WDR17: variants seen among roughly 807,000 people sequenced by gnomAD.
The protein encoded by WDR17 is WD repeat domain 17, also known as WD repeat-containing protein 17.
A neutral mutation model predicts 161.7 loss-of-function variants in WDR17; 143 were observed. The observed-to-expected ratio is 0.88, with a 90% CI of 0.77 to 1.02. WDR17 has a LOEUF of 1.02. Ranked by LOEUF, WDR17 falls within the 50% of genes least tolerant of loss-of-function variation. The probability of loss-of-function intolerance (pLI) is 0.00; values close to 1 mark genes in which losing one functional copy is unlikely to be tolerated. For synonymous variants in WDR17, 517 were observed against 515.6 expected (o/e 1.00, Z -0.04); for missense variants, 1,469 against 1,520.9 (o/e 0.97, Z 0.57).
chr4:176,143,402 T>C (rs1745610217), intron 11 of WDR17, among the ~76,000 whole-genome samples: 1 of 151,916 alleles, frequency 6.6e-6, no homozygotes, highest in Non-Finnish European at 1.5e-5. Context: ...TGGTGGCTCA[T>C]GCCTCTAATT....
At chr4:176,149,986 A>C (rs368789901) in intron 14 of WDR17, 30 bp downstream of exon 14, 49 of 1,609,692 alleles carry the variant, frequency 3.0e-5, no homozygotes, top group Non-Finnish European at 3.9e-5. Context: ...ATTAGAGTTT[A>C]TTTCTAAATA....
intron 1 of WDR17, among the ~76,000 whole-genome samples, chr4:176,100,037 A>G (rs1187258550): frequency 1.3e-5 from 2 of 152,186 alleles, no homozygotes. Flanking sequence ...TAGTGCTGCA[A>G]TAAACATATG....
At chr4:176,086,775 G>T (rs1284396227) in intron 1 of WDR17, among the ~76,000 whole-genome samples, 1 of 151,576 alleles carries the variant, frequency 6.6e-6, no homozygotes, top group Non-Finnish European at 1.5e-5. Flanking sequence ...TATTCAATAT[G>T]TAACTGTTAT....
intron 1 of WDR17, among the ~76,000 whole-genome samples, chr4:176,097,529 C>T (rs1387291585): frequency 6.6e-6 from 1 of 151,530 alleles, no homozygotes; most frequent in Middle Eastern, 3.2e-3. Context: ...GTGAAAAAAT[C>T]CAGTAAACAT....
intron 1 of WDR17, among the ~76,000 whole-genome samples, chr4:176,083,531 T>TA (rs778695478): frequency 2.6e-5 from 4 of 152,176 alleles, no homozygotes; most frequent in Non-Finnish European, 5.9e-5. Context: ...ATGTAGTTGT[T>TA]ACTTATTCTC....
intron 8 of WDR17, among the ~76,000 whole-genome samples, chr4:176,136,844 A>T (rs1744495087): frequency 2.0e-5 from 3 of 151,564 alleles, no homozygotes; most frequent in African/African-American, 7.2e-5. Flanking sequence ...TTTATCATTA[A>T]GTAGTTTCTT....
At chr4:176,157,971 C>T (rs1748421007) in intron 18 of WDR17, among the ~76,000 whole-genome samples, 1 of 152,288 alleles carries the variant, frequency 6.6e-6, no homozygotes, top group Middle Eastern at 3.4e-3. Flanking sequence ...TGAAAGGAGG[C>T]TGCTGTAGCT....
intron 17 of WDR17, among the ~76,000 whole-genome samples, chr4:176,154,389 G>A (rs1747729233): frequency 6.6e-6 from 1 of 152,116 alleles, no homozygotes; most frequent in Admixed American, 6.5e-5. Flanking sequence ...GCTGAGGCAG[G>A]AGAATCACTT....
At position 176,125,455 on chromosome 4, in the gene WDR17, A is replaced by G. The variant is rs1043427471; in HGVS notation, c.790+100A>G. The G allele has an allele frequency of 1.1e-5, 15 of 1,351,196 alleles. No homozygotes were observed. In the African/African-American group the frequency reaches 2.0e-4, roughly 18 times the overall value. The allele number at this position is 1,351,196 out of a possible 1,614,324, so 83.7% of individuals were successfully genotyped here. On this transcript the variant is annotated intron_variant, in intron 5 of 28. Transcript: ENST00000508596. ...TATAGGTTGATTTTGTGTAAAATGTATTAATAGCTCAATTATTATTTATTG... is the reference window on the plus strand; with the variant it reads ...TATAGGTTGATTTTGTGTAAAATGTGTTAATAGCTCAATTATTATTTATTG...
chr4:176,142,035 G>T lies in WDR17; in HGVS notation c.1495G>T (p.Ala499Ser), dbSNP rs74420195. Residue 499 changes from alanine (A) to serine (S), a missense_variant, in exon 11 of 29, where the codon GCA becomes TCA. Coordinates refer to ENST00000508596, the MANE Select transcript of WDR17 (RefSeq NM_181265.4). ...GCTACACAAATATAAACATCCAGCT[G>T]CAGTGTTTGGTTGTGATTGGAGCCA... ...KVLHKYKHPA[A>S]VFGCDWSQNN... The T allele has an allele frequency of 4.7e-4, 754 of 1,611,018 alleles. 6 individuals are homozygous for T. The East Asian group carries it at 0.012, about 26-fold the overall frequency.
chr4:176,106,985 A>G (rs908308269), intron 1 of WDR17, among the ~76,000 whole-genome samples: 14 of 152,162 alleles, frequency 9.2e-5, no homozygotes, highest in African/African-American at 3.4e-4. Context: ...TATCAACAGT[A>G]AAATGGACAG....
At chr4:176,131,519 T>G in intron 6 of WDR17, 35 bp from the exon 7 acceptor site, 1 of 1,559,056 alleles carries the variant, frequency 6.4e-7, no homozygotes, top group Non-Finnish European at 8.7e-7. Flanking sequence ...CTCTGTGGTT[T>G]CATTCCAATA....
At chr4:176,101,057 T>C (rs1317866952) in intron 1 of WDR17, among the ~76,000 whole-genome samples, 3 of 152,196 alleles carry the variant, frequency 2.0e-5, no homozygotes, top group Non-Finnish European at 4.4e-5. Context: ...TTGGATTGCA[T>C]TGGCTATTTG....
rs1356393589 is a variant in WDR17 at position 176,178,968 on chromosome 4, T to C, written c.3733-492T>C. Among the ~76,000 whole-genome samples the C allele has an allele frequency of 2.0e-5, 3 of 152,192 alleles. No homozygotes were observed. In the East Asian group the frequency reaches 5.8e-4, roughly 29 times the overall value. ...TAAATAAGCAAGAAAATCACATGGC[T>C]AAACATATTTTAAACGATATATACA... On this transcript the variant is annotated intron_variant, in intron 28 of 28. Coordinates refer to ENST00000508596, the MANE Select transcript of WDR17 (RefSeq NM_181265.4).
rs1746469530 is a variant in WDR17, at chr4:176,148,042, CAA to C, written c.1695-89_1695-88del. 3.6e-6 allele frequency: 4 copies of C among 1,101,854 alleles called. No individual in the cohort carries two copies. In the Admixed American group the frequency reaches 8.1e-5, roughly 22 times the overall value. The allele number at this position is 1,101,854 out of a possible 1,614,324, so 68.3% of individuals were successfully genotyped here. The stretch of plus-strand genomic sequence containing the variant: ...CATAAAATGCTTCTAGATAAGCTAA[CAA>C]ATAATTATTATACTCTATTAAGAAT... On this transcript the variant is annotated intron_variant, in intron 12 of 28. Transcript: ENST00000508596.
chr4:176,147,779 AAT>A (rs1190535555), intron 12 of WDR17, among the ~76,000 whole-genome samples: 13 of 122,778 alleles, frequency 1.1e-4, no homozygotes, highest in African/African-American at 4.1e-4. Flanking sequence ...ACTGTGAAAT[AAT>A]ATGTTTACTA....
chr4:176,120,288 T>TATATATA (rs1174111501), intron 4 of WDR17, among the ~76,000 whole-genome samples, 191 bp downstream of exon 4: 19 of 136,532 alleles, frequency 1.4e-4, no homozygotes, highest in African/African-American at 4.7e-4. Flanking sequence ...ATTTGAAGTT[T>TATATATA]TATATATATA....
intron 18 of WDR17, among the ~76,000 whole-genome samples, chr4:176,156,659 A>G (rs1278113375): frequency 1.3e-5 from 2 of 148,608 alleles, no homozygotes; most frequent in African/African-American, 2.5e-5. Context: ...CAAGTGGGCT[A>G]GTTTCCTGGG....
intron 1 of WDR17, among the ~76,000 whole-genome samples, chr4:176,083,013 A>G (rs1734953145): frequency 6.6e-6 from 1 of 152,176 alleles, no homozygotes; most frequent in Non-Finnish European, 1.5e-5. Flanking sequence ...AATAAAGAGT[A>G]CTTAAACTGT....
Sources: allele counts gnomAD v4.1 joint callset (sites outside exome capture counted in the v4.1 genomes callset), GRCh38; gene constraint gnomAD v4.1.1; transcripts MANE v1.5; gene names NCBI Gene and HGNC (gene_info 2026-07-23, HGNC 2026-07-21).